Variants in ZNF699 observed in about 807,000 individuals in gnomAD.
The protein encoded by ZNF699 is zinc finger protein 699.
A neutral mutation model predicts 22.5 loss-of-function variants in ZNF699; 18 were observed. The ratio of observed to expected loss-of-function variants is 0.80; its 90% CI spans 0.55 to 1.19. The LOEUF (loss-of-function observed/expected upper bound fraction) is 1.19. Ranked by LOEUF, ZNF699 falls within the 50% of genes most tolerant of loss-of-function variation. The pLI is 0.00. For synonymous variants in ZNF699, 241 were observed against 262.3 expected (o/e 0.92, Z 0.78); for missense variants, 670 against 763.4 (o/e 0.88, Z 1.44).
In ZNF699 at chr19:9,295,030, A is replaced by G. The variant is rs2066279380; in HGVS notation, c.*445T>C. ...CATTAATTAGAAACCACTTTTTTAA[A>G]AAAGACCACTGCTGCCTATACAGAA... On this transcript the variant is annotated 3_prime_UTR_variant, in exon 6 of 6. Coordinates refer to ENST00000591998, the MANE Select transcript of ZNF699 (RefSeq NM_198535.3). 1 of 158,554 alleles carries G rather than the reference A, an allele frequency of 6.3e-6. No homozygotes were observed. The highest frequency in any genetic ancestry group is 1.4e-5 in the Non-Finnish European group (1 of 72,516). The allele number at this position is 158,554 out of a possible 1,614,324, so 9.8% of individuals were successfully genotyped here.
Position 9,297,461 on chromosome 19 carries a change from T to G in ZNF699, c.305A>C (p.Lys102Thr). ...EHREGFETQL[K>T]TNESVASQDI... ...TTGTGAAGCAACTGATTCATTAGTT[T>G]TAAGTTGAGTCTCAAAACCTGAAAC... The change falls in exon 5 of 6, where the codon AAA (lysine) becomes ACA (threonine). Residue 102 changes from lysine to threonine, a missense_variant. Coordinates refer to ENST00000591998, the MANE Select transcript of ZNF699 (RefSeq NM_198535.3). This position sits in a 1 kb window ranked among gnomAD's most constrained non-coding sequence, Gnocchi z 4.3. The G allele has an allele frequency of 6.4e-7, 1 of 1,571,524 alleles. No individual in the cohort carries two copies. Among genetic ancestry groups the G allele is most frequent in the Non-Finnish European group, 8.6e-7 (1 of 1,168,252 alleles).
intron 1 of ZNF699, among the ~76,000 whole-genome samples, chr19:9,307,012 CCA>C (rs2066330029): frequency 6.6e-6 from 1 of 152,100 alleles, no homozygotes; most frequent in South Asian, 2.1e-4. Context: ...ACCAGCCTGG[CCA>C]AAATGGCGAA....
At chr19:9,308,449 T>C (rs1175565481) in intron 1 of ZNF699, among the ~76,000 whole-genome samples, 1 of 152,126 alleles carries the variant, frequency 6.6e-6, no homozygotes, top group Non-Finnish European at 1.5e-5. Flanking sequence ...AGTACAACTT[T>C]CAAGCAGTGA....
At chr19:9,303,490 G>A (rs917970255) in intron 2 of ZNF699, among the ~76,000 whole-genome samples, 1 of 152,194 alleles carries the variant, frequency 6.6e-6, no homozygotes, top group Non-Finnish European at 1.5e-5. Context: ...AGATGGACAG[G>A]CCAAGGTATG....
At position 9,296,615 on chromosome 19, in the gene ZNF699, G is replaced by A. The variant is rs1440761754; in HGVS notation, c.789C>T (p.Ser263=). ...TCTTCATATGTGCCCTAAAGAATGA[G>A]GAACAGCTGAAGGCTTTGGTACATT... ...CKECTKAFSC[S]SFFRAHMKIH... The change falls in exon 6 of 6, where the codon TCC becomes TCT. Residue 263 remains serine (S), a synonymous_variant. Transcript: ENST00000591998. 2 of 1,614,158 alleles carry A rather than the reference G, an allele frequency of 1.2e-6. No individual in the cohort carries two copies. The highest frequency in any genetic ancestry group is 1.7e-6 in the Non-Finnish European group (2 of 1,180,022).
chr19:9,297,540 C>G lies in ZNF699; in HGVS notation c.287-61G>C. The G allele has an allele frequency of 7.1e-7, 1 of 1,409,854 alleles. No homozygotes were observed. Among genetic ancestry groups the G allele is most frequent in the Non-Finnish European group, 9.5e-7 (1 of 1,050,516 alleles). 87.3% of individuals were successfully genotyped at this position (1,409,854 alleles called of 1,614,324 possible). The stretch of plus-strand genomic sequence containing the variant: ...AGGACTTTTAGCAGAGTGACTATTT[C>G]AGGACTTTGGTATTAATAGGCACAA... On this transcript the variant is annotated intron_variant, in intron 4 of 5. Coordinates refer to ENST00000591998, the MANE Select transcript of ZNF699 (RefSeq NM_198535.3). This position sits in a 1 kb window ranked among gnomAD's most constrained non-coding sequence, Gnocchi z 4.3.
chr19:9,297,574 A>G lies in ZNF699; in HGVS notation c.287-95T>C. ...GGTATTAATAGGCACAAGGGTCAAAATGGTAAGCAATTAACTAAGAAATAA... is the reference window on the plus strand; with the variant it reads ...GGTATTAATAGGCACAAGGGTCAAAGTGGTAAGCAATTAACTAAGAAATAA... On this transcript the variant is annotated intron_variant, in intron 4 of 5. Coordinates refer to ENST00000591998, the MANE Select transcript of ZNF699 (RefSeq NM_198535.3). This position sits in a 1 kb window ranked among gnomAD's most constrained non-coding sequence, Gnocchi z 4.3. The G allele has an allele frequency of 1.1e-6, 1 of 889,414 alleles. No homozygotes were observed. The highest frequency in any genetic ancestry group is 2.5e-5 in the East Asian group (1 of 40,110). 55.1% of individuals were successfully genotyped at this position (889,414 alleles called of 1,614,324 possible).
Position 9,295,898 on chromosome 19 carries a change from C to T in ZNF699, c.1506G>A (p.Pro502=), listed in dbSNP as rs752864618. ...CTTTCCCACATTCTTTACATTCATA[C>T]GGCTTCTCTCCGCTGTGAGTTCTTA... ...EHLRTHSGEK[P]YECKECGKAF... Residue 502 remains proline (P), a synonymous_variant, in exon 6 of 6, where the codon CCG becomes CCA. Coordinates refer to ENST00000591998, the MANE Select transcript of ZNF699 (RefSeq NM_198535.3). The T allele has an allele frequency of 1.2e-5, 20 of 1,613,224 alleles. 1 individual carries two copies. The highest frequency in any genetic ancestry group is 8.0e-5 in the African/African-American group (6 of 74,612).
Position 9,292,171 on chromosome 19 carries a change from T to C in ZNF699, c.*3304A>G, listed in dbSNP as rs1041326980. Among the ~76,000 whole-genome samples the C allele has an allele frequency of 1.3e-5, 2 of 152,172 alleles. No homozygotes were observed. The highest frequency in any genetic ancestry group is 2.9e-5 in the Non-Finnish European group (2 of 68,032). The stretch of plus-strand genomic sequence containing the variant: ...ATTACCACTGCTTTTAGATCCTACC[T>C]GCCCACTCCTTCCTCCTCCCCTCTG... On this transcript the variant is annotated 3_prime_UTR_variant, in exon 6 of 6. Transcript: ENST00000591998.
At position 9,295,437 on chromosome 19, in the gene ZNF699, G is replaced by A. The variant is rs2066280618; in HGVS notation, c.*38C>T. On this transcript the variant is annotated 3_prime_UTR_variant, in exon 6 of 6. Coordinates refer to ENST00000591998, the MANE Select transcript of ZNF699 (RefSeq NM_198535.3). ...GTATGAGATCTCACATGTTGCCTAG[G>A]ATCTGAAGCTTTGCAGACATTCCCA... The A allele has an allele frequency of 1.8e-5, 28 of 1,558,120 alleles. No individual in the cohort carries two copies. The highest frequency in any genetic ancestry group is 2.4e-5 in the Non-Finnish European group (28 of 1,154,458).
At chr19:9,307,973 A>G (rs1188713695) in intron 1 of ZNF699, among the ~76,000 whole-genome samples, 1 of 152,030 alleles carries the variant, frequency 6.6e-6, no homozygotes, top group Non-Finnish European at 1.5e-5. Flanking sequence ...ATCGGTATTA[A>G]TAGGCTAGAC....
In ZNF699 at chr19:9,297,409, A is replaced by G. The variant is rs1381516239; in HGVS notation, c.357T>C (p.Asn119=). 24 of 1,600,166 alleles carry G rather than the reference A, an allele frequency of 1.5e-5. No homozygotes were observed. The highest frequency in any genetic ancestry group is 2.0e-5 in the Non-Finnish European group (24 of 1,177,410). Residue 119 remains asparagine (N), a synonymous_variant, in exon 5 of 6, where the codon AAT becomes AAC. Transcript: ENST00000591998. The surrounding 1 kb of genome is among the most constrained non-coding windows in gnomAD (Gnocchi z 4.3). ...SQDICGEKIS[N]EQKIVRFKRN... ...TTTTGAATCTTACTATTTTCTGTTC[A>G]TTGGATATTTTTTCTCCACAAATAT...
rs1202580067 is a variant in ZNF699 at position 9,309,390 on chromosome 19, G to A, written c.-46C>T. ...CCACAGATCAGCTCACAGAGAACGA[G>A]GCTGAAGCGCTTGTCCTTGAGACAC... On this transcript the variant is annotated 5_prime_UTR_variant, in exon 1 of 6. Coordinates refer to ENST00000591998, the MANE Select transcript of ZNF699 (RefSeq NM_198535.3). The A allele has an allele frequency of 6.6e-6, 1 of 152,290 alleles. No homozygotes were observed. The highest frequency in any genetic ancestry group is 1.5e-5 in the Non-Finnish European group (1 of 68,094). The allele number at this position is 152,290 out of a possible 1,614,324, so 9.4% of individuals were successfully genotyped here.
chr19:9,304,931 A>AG (rs528669349), intron 2 of ZNF699, 141 bp downstream of exon 2: 1 of 597,758 alleles, frequency 1.7e-6, no homozygotes, highest in Non-Finnish European at 2.7e-6. Context: ...CAAAAAAAAA[A>AG]AAAAAAAAAC....
At chr19:9,305,939 T>G (rs2066326179) in intron 1 of ZNF699, among the ~76,000 whole-genome samples, 1 of 151,904 alleles carries the variant, frequency 6.6e-6, no homozygotes, top group African/African-American at 2.4e-5. Context: ...CCTGACTTCA[T>G]GATCCGCCTG....
At chr19:9,304,963 T>C in intron 2 of ZNF699, 109 bp downstream of exon 2, 2 of 630,752 alleles carry the variant, frequency 3.2e-6, no homozygotes, top group Non-Finnish European at 5.3e-6. Context: ...GTGCCTAAAA[T>C]ACTATGTGGT....
chr19:9,302,431 C>T lies in ZNF699; in HGVS notation c.122G>A (p.Arg41Lys), dbSNP rs776614133. The change falls in exon 3 of 6, where the codon AGA becomes AAA. Residue 41 changes from arginine (R) to lysine (K), a missense_variant. By Grantham distance (26) the Arg-to-Lys change is conservative (BLOSUM62 2). Coordinates refer to ENST00000591998, the MANE Select transcript of ZNF699 (RefSeq NM_198535.3). ...EEWALLDLAQ[R>K]NLYRDVMLEN... is the part of the protein sequence containing the mutation. The stretch of plus-strand genomic sequence containing the variant: ...CAGCATCACATCTCTGTAGAGGTTT[C>T]TCTGAGCAAGATCCAGCAAAGCCCA... 6.2e-7 allele frequency: 1 copy of T among 1,613,928 alleles called. No individual in the cohort carries two copies. The highest frequency in any genetic ancestry group is 8.5e-7 in the Non-Finnish European group (1 of 1,179,964).
At chr19:9,308,760 C>G (rs2066336663) in intron 1 of ZNF699, among the ~76,000 whole-genome samples, 1 of 152,114 alleles carries the variant, frequency 6.6e-6, no homozygotes. Context: ...GCTATTCTGT[C>G]GGACATTGTA....
chr19:9,305,072 C>T lies in ZNF699; in HGVS notation c.48G>A (p.Gln16=). ...TGGACAATTATCACCTTTTACTTACCTGTATTCTATTTTTCTGTAACTCAG... is the reference window on the plus strand; with the variant it reads ...TGGACAATTATCACCTTTTACTTACTTGTATTCTATTTTTCTGTAACTCAG... ...KTAELQKNRI[Q]DSVVFEDVAV... is the part of the protein sequence containing the mutation. The change falls in exon 2 of 6, where the codon CAG becomes CAA. Residue 16 remains glutamine (Q), a splice_region_variant and synonymous_variant. Coordinates refer to ENST00000591998, the MANE Select transcript of ZNF699 (RefSeq NM_198535.3). 1 of 1,612,252 alleles carries T rather than the reference C, an allele frequency of 6.2e-7. No homozygotes were observed. The highest frequency in any genetic ancestry group is 8.5e-7 in the Non-Finnish European group (1 of 1,178,532).
Sources: gnomAD v4.1 joint callset for allele counts (sites outside exome capture counted in the v4.1 genomes callset) on GRCh38, gnomAD v4.1.1 for gene constraint, Gnocchi (gnomAD v3.1) non-coding constraint, MANE v1.5 for transcripts, NCBI Gene and HGNC (gene_info 2026-07-23, HGNC 2026-07-21) for gene names.